NDUFA10: variants seen among roughly 807,000 people sequenced by gnomAD.
The protein encoded by NDUFA10 is NADH:ubiquinone oxidoreductase subunit A10, also known as NADH dehydrogenase [ubiquinone] 1 alpha subcomplex subunit 10, mitochondrial.
NDUFA10 carries 40 observed loss-of-function variants against 47.8 expected under a neutral mutation model. That is an observed-to-expected ratio of 0.84 (90% confidence interval 0.65 to 1.09). The LOEUF (loss-of-function observed/expected upper bound fraction) is 1.09, where lower values mean the gene tolerates loss of function less well. Ranked by LOEUF, NDUFA10 falls within the 50% of genes least tolerant of loss-of-function variation. NDUFA10 has a pLI of 0.00. For synonymous variants in NDUFA10, 183 were observed against 172.2 expected (o/e 1.06, Z -0.49); for missense variants, 413 against 451.1 (o/e 0.92, Z 0.76).
intron 8 of NDUFA10, among the ~76,000 whole-genome samples, chr2:240,002,560 C>T (rs1696769888): frequency 6.6e-6 from 1 of 151,960 alleles, no homozygotes; most frequent in African/African-American, 2.4e-5. Flanking sequence ...TAGCACTCTA[C>T]CTCACTGCCA....
At chr2:240,011,885 T>C (rs1697158864) in intron 5 of NDUFA10, 189 bp from the exon 6 acceptor site, 1 of 638,924 alleles carries the variant, frequency 1.6e-6, no homozygotes, top group Admixed American at 2.1e-5. Flanking sequence ...TCTACTACAG[T>C]GAACACCTGA....
intron 4 of NDUFA10, among the ~76,000 whole-genome samples, chr2:239,900,946 G>A (rs1418751480): frequency 6.6e-6 from 1 of 152,244 alleles, no homozygotes; most frequent in Admixed American, 6.5e-5. Flanking sequence ...AAGTTATACA[G>A]AAGATCTAGC....
rs764782541 is a variant in NDUFA10 at position 239,958,976 on chromosome 2, G to A, written c.*2142C>T. On this transcript the variant is annotated 3_prime_UTR_variant, in exon 10 of 10. Transcript: ENST00000252711. ...TTAGTTGTAAGAGCTTTCGTGAGAC[G>A]AACGCATGTACTGCTCTGAAATAAG... The A allele has an allele frequency of 4.3e-5, 42 of 985,316 alleles. No homozygotes were observed. Among genetic ancestry groups the A allele is most frequent in the South Asian group, 4.7e-5 (1 of 21,290 alleles). 61.0% of individuals were successfully genotyped at this position (985,316 alleles called of 1,614,324 possible). A position where few individuals can be genotyped will look rare whatever the true frequency, so the allele number is the denominator to read the frequency against.
intron 9 of NDUFA10, among the ~76,000 whole-genome samples, chr2:239,966,815 A>G (rs1303747792): frequency 2.7e-5 from 4 of 146,456 alleles, no homozygotes; most frequent in African/African-American, 5.1e-5. Context: ...AACATCTCTC[A>G]TCTTTTGAAT....
chr2:239,914,989 AATAT>A (rs1447414597), intron 4 of NDUFA10, among the ~76,000 whole-genome samples: 6 of 144,806 alleles, frequency 4.1e-5, no homozygotes, highest in African/African-American at 1.6e-4. Flanking sequence ...GACACACACA[AATAT>A]ATAGACACAC....
chr2:239,936,726 G>A (rs1170224495), intron 4 of NDUFA10, among the ~76,000 whole-genome samples: 2 of 152,214 alleles, frequency 1.3e-5, no homozygotes, highest in African/African-American at 4.8e-5. Context: ...GCCCAGGCGG[G>A]TGGATCACCT....
At chr2:240,014,639 G>T in intron 5 of NDUFA10, 100 bp downstream of exon 5, 1 of 1,549,326 alleles carries the variant, frequency 6.5e-7, no homozygotes, top group Non-Finnish European at 8.9e-7. Flanking sequence ...TCCTCGTGAG[G>T]ACTGGTAGGA....
At chr2:239,993,844 G>A (rs1696356047) in intron 8 of NDUFA10, among the ~76,000 whole-genome samples, 1 of 152,132 alleles carries the variant, frequency 6.6e-6, no homozygotes, top group Non-Finnish European at 1.5e-5. Flanking sequence ...TAGGATTATG[G>A]TTGACAGAGG....
At chr2:239,901,001 A>G (rs1693534805) in intron 4 of NDUFA10, among the ~76,000 whole-genome samples, 1 of 152,246 alleles carries the variant, frequency 6.6e-6, no homozygotes, top group African/African-American at 2.4e-5. Flanking sequence ...CAGACTTTCA[A>G]TGTAGAAGAA....
At chr2:239,896,657 A>G (rs1228725747) in intron 4 of NDUFA10, among the ~76,000 whole-genome samples, 1 of 152,246 alleles carries the variant, frequency 6.6e-6, no homozygotes, top group Admixed American at 6.5e-5. Flanking sequence ...GGAAACTTGG[A>G]TATGAACTTG....
intron 6 of NDUFA10, among the ~76,000 whole-genome samples, chr2:240,010,689 G>A (rs761809665): frequency 6.6e-5 from 10 of 151,736 alleles, no homozygotes; most frequent in Non-Finnish European, 1.2e-4. Flanking sequence ...TAATACTTAC[G>A]GTACAGAAAA....
intron 9 of NDUFA10, 76 bp from the exon 10 acceptor site, chr2:239,961,262 C>T: frequency 1.2e-6 from 2 of 1,608,534 alleles, no homozygotes; most frequent in Non-Finnish European, 1.7e-6. Context: ...TCAATGTCTA[C>T]CCGGCAGATG....
At position 239,923,372 on chromosome 2, in the gene NDUFA10, C is replaced by T. The variant is rs970042294; in HGVS notation, c.295-28058G>A. 2.0e-5 allele frequency among the ~76,000 whole-genome samples: 3 copies of T among 152,144 alleles called. No individual in the cohort carries two copies. The East Asian group carries it at 5.8e-4, about 29-fold the overall frequency. On this transcript the variant is annotated intron_variant, in intron 4 of 5. Transcript: ENST00000419408. ...TACATTCTATACCTATGAAAAATTCCCCAAATAGACCATATCCTGGTTCAT... is the reference window on the plus strand; with the variant it reads ...TACATTCTATACCTATGAAAAATTCTCCAAATAGACCATATCCTGGTTCAT...
intron 9 of NDUFA10, among the ~76,000 whole-genome samples, chr2:239,985,294 A>G (rs1695952832): frequency 6.6e-6 from 1 of 152,240 alleles, no homozygotes; most frequent in African/African-American, 2.4e-5. Flanking sequence ...TGACAAAATA[A>G]TATCAGCAGT....
chr2:239,938,884 C>G (rs80135449), intron 4 of NDUFA10, among the ~76,000 whole-genome samples: 190 of 152,314 alleles, frequency 1.2e-3, no homozygotes, highest in Middle Eastern at 3.4e-3. Context: ...CCCAGCACAG[C>G]CAGAGGGTCA....
chr2:239,970,314 C>T (rs1316793984), intron 9 of NDUFA10, among the ~76,000 whole-genome samples: 1 of 152,086 alleles, frequency 6.6e-6, no homozygotes, highest in Non-Finnish European at 1.5e-5. Context: ...AAATACTCAA[C>T]AAAATGAAGT....
intron 3 of NDUFA10, among the ~76,000 whole-genome samples, chr2:240,018,847 C>T (rs1003834415): frequency 6.6e-6 from 1 of 152,186 alleles, no homozygotes; most frequent in Non-Finnish European, 1.5e-5. Flanking sequence ...AATATAACAT[C>T]GTTTCATTAA....
intron 4 of NDUFA10, among the ~76,000 whole-genome samples, chr2:239,917,999 G>A (rs932636560): frequency 3.9e-5 from 6 of 152,068 alleles, no homozygotes; most frequent in Admixed American, 6.5e-5. Flanking sequence ...ATGGTGTGGC[G>A]GCAGCCCAGC....
At chr2:239,921,907 T>C (rs950020008) in intron 4 of NDUFA10, among the ~76,000 whole-genome samples, 13 of 151,574 alleles carry the variant, frequency 8.6e-5, no homozygotes, top group African/African-American at 3.2e-4. Context: ...CTTCCTTTTC[T>C]CCTTTCCTCC....
Sources: gnomAD v4.1 joint callset for allele counts (sites outside exome capture counted in the v4.1 genomes callset) on GRCh38, gnomAD v4.1.1 for gene constraint, MANE v1.5 for transcripts, NCBI Gene and HGNC (gene_info 2026-07-23, HGNC 2026-07-21) for gene names.